MIAT: variants seen among roughly 807,000 people sequenced by gnomAD.
MIAT encodes myocardial infarction associated transcript, also known as MI related novel mRNA.
chr22:26,673,371 C>G (rs954691527), downstream of MIAT: 4 of 398,952 alleles, frequency 1.0e-5, no homozygotes, highest in Admixed American at 4.4e-5. Flanking sequence ...AACTCTTGCT[C>G]TCACCCAGCT....
exon 6 of MIAT, chr22:26,669,189 G>A: frequency 2.5e-6 from 1 of 398,764 alleles, no homozygotes; most frequent in Non-Finnish European, 4.4e-6. Flanking sequence ...GCAGCTTGTG[G>A]CCTCCCTTAG....
chr22:26,652,444 A>C (rs7290586), intron 2 of MIAT, among the ~76,000 whole-genome samples: 1 of 151,464 alleles, frequency 6.6e-6, no homozygotes, highest in Non-Finnish European at 1.5e-5. Context: ...TGCAACCTCC[A>C]ACTCCCGGGT....
chr22:26,656,996 A>G (rs2146001467), intron 2 of MIAT, among the ~76,000 whole-genome samples: 2 of 152,396 alleles, frequency 1.3e-5, no homozygotes, highest in South Asian at 4.1e-4. Context: ...CATGAAGTTA[A>G]CAGTTATGGG....
intron 2 of MIAT, among the ~76,000 whole-genome samples, chr22:26,658,925 G>A (rs1238617358): frequency 6.6e-6 from 1 of 152,222 alleles, no homozygotes; most frequent in South Asian, 2.1e-4. Flanking sequence ...TTCCCATTTG[G>A]GAGCATCTGG....
chr22:26,649,294 C>T (rs1930294782), intron 2 of MIAT, among the ~76,000 whole-genome samples: 2 of 152,222 alleles, frequency 1.3e-5, no homozygotes, highest in African/African-American at 4.8e-5. Context: ...TTCTGTCTGA[C>T]TCCTGAGTCC....
In MIAT at chr22:26,668,393, A is replaced by T. The variant is rs118107656; in HGVS notation, n.2498A>T. ...GATGACTGATCTGGCTCTGGAGGAC[A>T]GCTCCAGGGGTATGAGGGAGGCCTG... is the stretch of plus-strand genomic sequence containing the variant. On this transcript the variant is annotated non_coding_transcript_exon_variant, in exon 6 of 6. Transcript: ENST00000643270. 8.2e-3 allele frequency: 3,281 copies of T among 398,774 alleles called. 23 individuals carry two copies. Among genetic ancestry groups the T allele is most frequent in the Non-Finnish European group, 9.8e-3 (2,213 of 226,184 alleles). 24.7% of individuals were successfully genotyped at this position (398,774 alleles called of 1,614,324 possible). A position where few individuals can be genotyped will look rare whatever the true frequency, so the allele number is the denominator to read the frequency against.
chr22:26,668,010 C>A, intron 5 of MIAT: 2 of 397,096 alleles, frequency 5.0e-6, no homozygotes, highest in Non-Finnish European at 8.9e-6. Flanking sequence ...AAAACCCTCA[C>A]TTCCACCCTG....
downstream of MIAT, chr22:26,672,089 A>T (rs5761670): frequency 0.19 from 76,571 of 399,232 alleles, 7,743 homozygotes; most frequent in South Asian, 0.32. Context: ...TCCCTTAACA[A>T]ACTAACGGAC....
intron 2 of MIAT, among the ~76,000 whole-genome samples, chr22:26,661,725 A>T (rs531071003): frequency 6.6e-6 from 1 of 151,860 alleles, no homozygotes; most frequent in Admixed American, 6.6e-5. Context: ...CCACTCTCCT[A>T]AAAGTGAACT....
intron 2 of MIAT, among the ~76,000 whole-genome samples, chr22:26,651,559 G>A (rs1195377355): frequency 6.6e-6 from 1 of 152,216 alleles, no homozygotes; most frequent in Non-Finnish European, 1.5e-5. Flanking sequence ...CAAAAGAACG[G>A]AAAAGAAGGA....
chr22:26,657,262 C>T, intron 2 of MIAT: 2 of 370,806 alleles, frequency 5.4e-6, no homozygotes, highest in Non-Finnish European at 4.8e-6. Context: ...CTGAGCGCAC[C>T]GGCCAGCTAG....
intron 2 of MIAT, among the ~76,000 whole-genome samples, chr22:26,652,294 G>C (rs1930349869): frequency 1.3e-5 from 2 of 152,152 alleles, no homozygotes. Context: ...TTACAGGTGT[G>C]AGGCATTGTG....
At position 26,668,641 on chromosome 22, in the gene MIAT, C is replaced by T. The variant is rs753670192; in HGVS notation, n.2746C>T. On this transcript the variant is annotated non_coding_transcript_exon_variant, in exon 6 of 6. Coordinates refer to ENST00000643270, the Ensembl canonical transcript of MIAT. ...TGGGGACAGGAACAAGGATGGGAGT[C>T]GGGGAGGGGCTGTCAGGCAGAGGGC... is the stretch of plus-strand genomic sequence containing the variant. 22 of 399,106 alleles carry T rather than the reference C, an allele frequency of 5.5e-5. 1 individual carries two copies. Among genetic ancestry groups the T allele is most frequent in the Middle Eastern group, 6.2e-4 (1 of 1,618 alleles). The allele number at this position is 399,106 out of a possible 1,614,324, so 24.7% of individuals were successfully genotyped here.
exon 5 of MIAT, chr22:26,676,318 G>A (rs991561640): frequency 2.8e-5 from 11 of 398,486 alleles, no homozygotes; most frequent in Non-Finnish European, 4.9e-5. Context: ...ACCCCCAGGG[G>A]ATACCGAATG....
Position 26,658,779 on chromosome 22 carries a change from G to A in MIAT, n.647-4537G>A, listed in dbSNP as rs187362944. On this transcript the variant is annotated intron_variant and non_coding_transcript_variant, in intron 2 of 5. Coordinates refer to ENST00000643270, the Ensembl canonical transcript of MIAT. ...GAAAACGCCCCCACCTGCTGCGGCG[G>A]GAGGGGAGGAAGTATGAGAGGGAGG... Among the ~76,000 whole-genome samples, 40 of 152,306 alleles carry A rather than the reference G, an allele frequency of 2.6e-4. No individual in the cohort carries two copies. The East Asian group carries it at 7.5e-3, about 29-fold the overall frequency.
At chr22:26,669,019 C>T (rs775442038) in exon 6 of MIAT, 40 of 398,450 alleles carry the variant, frequency 1.0e-4, no homozygotes, top group Non-Finnish European at 1.8e-4. Flanking sequence ...TAAGGGGTCA[C>T]CTTAGCCCAG....
chr22:26,657,406 G>A, intron 2 of MIAT: 1 of 398,210 alleles, frequency 2.5e-6, no homozygotes, highest in Non-Finnish European at 4.4e-6. Flanking sequence ...GCGGGAGGAG[G>A]GTGGAGGTGA....
downstream of MIAT, chr22:26,670,057 T>TTTA: frequency 6.0e-6 from 1 of 168,014 alleles, no homozygotes. Context: ...GGTTTATCTA[T>TTTA]TTTTTTTTTT....
At chr22:26,664,446 T>C (rs1930775386) in intron 3 of MIAT, among the ~76,000 whole-genome samples, 1 of 152,206 alleles carries the variant, frequency 6.6e-6, no homozygotes, top group Non-Finnish European at 1.5e-5. Flanking sequence ...ACCTTCACCA[T>C]AAATCAGTTT....
Sources: gnomAD v4.1 joint callset for allele counts (sites outside exome capture counted in the v4.1 genomes callset) on GRCh38, gnomAD v4.1.1 for gene constraint, MANE v1.5 for transcripts, NCBI Gene and HGNC (gene_info 2026-07-23, HGNC 2026-07-21) for gene names.